The following KCNB2 variants were observed in gnomAD, a reference collection of about 807,000 sequenced individuals.
KCNB2 encodes potassium voltage-gated channel subfamily B member 2.
KCNB2 carries 15 observed loss-of-function variants against 61.5 expected under a neutral mutation model. That is an observed-to-expected ratio of 0.24 (90% CI 0.16 to 0.38). The LOEUF is 0.38. Among genes scored for constraint, KCNB2 ranks in the 10% least tolerant of loss-of-function variants. The pLI is 1.00. For synonymous variants in KCNB2, 457 were observed against 446.0 expected, an observed-to-expected ratio of 1.02 and a Z score of -0.31; for missense variants, 828 against 1,125.2, an observed-to-expected ratio of 0.74 and a Z score of 3.78.
rs149972676 is a variant in KCNB2, at chr8:72,932,147, G to A, written c.580-3788G>A. On this transcript the variant is annotated intron_variant, in intron 2 of 2. Coordinates refer to ENST00000523207, the MANE Select transcript of KCNB2 (RefSeq NM_004770.3). ...CTGCTTATTCTCATGGCCCAATAAT[G>A]AAATGCAGAGGAACTGGGAAAGGAG... is the stretch of plus-strand genomic sequence containing the variant. Among the ~76,000 whole-genome samples, 592 of 152,302 alleles carry A rather than the reference G, an allele frequency of 3.9e-3. 5 individuals are homozygous for A. Among genetic ancestry groups the A allele is most frequent in the African/African-American group, 0.013 (550 of 41,560 alleles).
At chr8:72,550,319 T>A (rs1297648345) in intron 1 of KCNB2, among the ~76,000 whole-genome samples, 1 of 152,224 alleles carries the variant, frequency 6.6e-6, no homozygotes, top group East Asian at 1.9e-4. Context: ...TTTTTACAGG[T>A]GCACATTCAG....
At chr8:72,656,409 T>C (rs1457359933) in intron 2 of KCNB2, among the ~76,000 whole-genome samples, 1 of 152,154 alleles carries the variant, frequency 6.6e-6, no homozygotes, top group Non-Finnish European at 1.5e-5. Flanking sequence ...CTGTTTACTC[T>C]ATGGCTTATG....
At chr8:72,546,382 G>A (rs1318465708) in intron 1 of KCNB2, among the ~76,000 whole-genome samples, 1 of 152,092 alleles carries the variant, frequency 6.6e-6, no homozygotes, top group Non-Finnish European at 1.5e-5. Flanking sequence ...GCCAGGCATG[G>A]TGGCAGGTGC....
chr8:72,560,218 T>C (rs1806491688), intron 1 of KCNB2, among the ~76,000 whole-genome samples: 1 of 152,188 alleles, frequency 6.6e-6, no homozygotes, highest in East Asian at 1.9e-4. Context: ...TTCAGACCAA[T>C]CATTACATGA....
At chr8:72,927,327 G>A (rs1806671651) in intron 2 of KCNB2, among the ~76,000 whole-genome samples, 1 of 151,674 alleles carries the variant, frequency 6.6e-6, no homozygotes, top group African/African-American at 2.4e-5. Context: ...CTGGAGTGCA[G>A]TGGTGCGATC....
At chr8:72,849,696 A>G (rs1434387676) in intron 2 of KCNB2, among the ~76,000 whole-genome samples, 3 of 152,198 alleles carry the variant, frequency 2.0e-5, no homozygotes, top group African/African-American at 7.2e-5. Flanking sequence ...TTTGGAGAAG[A>G]GCTAGCCAAA....
intron 2 of KCNB2, among the ~76,000 whole-genome samples, chr8:72,887,378 C>T (rs900163902): frequency 1.3e-5 from 2 of 152,118 alleles, no homozygotes; most frequent in Admixed American, 1.3e-4. Context: ...GGGAACTTTA[C>T]CAAAATGCAT....
At chr8:72,761,429 T>TG (rs1308531410) in intron 2 of KCNB2, among the ~76,000 whole-genome samples, 1 of 152,148 alleles carries the variant, frequency 6.6e-6, no homozygotes, top group Admixed American at 6.5e-5. Context: ...TAAGGAGATT[T>TG]GGGGAAAAAA....
chr8:72,618,292 A>G (rs1286809457), intron 2 of KCNB2, among the ~76,000 whole-genome samples: 1 of 152,144 alleles, frequency 6.6e-6, no homozygotes, highest in Non-Finnish European at 1.5e-5. Flanking sequence ...CCCCCAAATT[A>G]TTTTTGAGGT....
intron 2 of KCNB2, among the ~76,000 whole-genome samples, chr8:72,806,373 A>G (rs1377749964): frequency 6.8e-6 from 1 of 147,148 alleles, no homozygotes; most frequent in African/African-American, 2.5e-5. Context: ...AAAAAAAAAA[A>G]GAATAATTTG....
intron 2 of KCNB2, among the ~76,000 whole-genome samples, chr8:72,838,047 T>C (rs891393613): frequency 3.3e-5 from 5 of 152,184 alleles, no homozygotes; most frequent in African/African-American, 9.7e-5. Context: ...TACTCATCAT[T>C]CATATTCTCT....
At position 72,834,660 on chromosome 8, in the gene KCNB2, G is replaced by A. The variant is rs1043522437; in HGVS notation, c.580-101275G>A. ...CTTCAGTCTCCTGTTTGGCACAAGA[G>A]TAGGGGAGTGATCTTGGTGTCCATA... On this transcript the variant is annotated intron_variant, in intron 2 of 2. Transcript: ENST00000523207. 4.8e-4 allele frequency among the ~76,000 whole-genome samples: 73 copies of A among 152,190 alleles called. 1 individual carries two copies. The highest frequency in any genetic ancestry group is 3.1e-4 in the Non-Finnish European group (21 of 68,044).
At chr8:72,857,746 T>C (rs1443846959) in intron 2 of KCNB2, among the ~76,000 whole-genome samples, 1 of 152,200 alleles carries the variant, frequency 6.6e-6, no homozygotes, top group Non-Finnish European at 1.5e-5. Context: ...ATGATCATGA[T>C]GCAATAACCT....
chr8:72,666,663 T>A (rs1374818455), intron 2 of KCNB2, among the ~76,000 whole-genome samples: 1 of 150,984 alleles, frequency 6.6e-6, no homozygotes, highest in East Asian at 1.9e-4. Flanking sequence ...TTTTTTTTTT[T>A]TTTTTTGAGA....
chr8:72,666,721 C>T (rs1280205311), intron 2 of KCNB2, among the ~76,000 whole-genome samples: 2 of 150,102 alleles, frequency 1.3e-5, no homozygotes, highest in East Asian at 2.0e-4. Flanking sequence ...GGCGCAATCT[C>T]GGGTCACTGC....
At chr8:72,921,929 C>G (rs1226824367) in intron 2 of KCNB2, among the ~76,000 whole-genome samples, 2 of 152,178 alleles carry the variant, frequency 1.3e-5, no homozygotes, top group East Asian at 1.9e-4. Flanking sequence ...TATGAAATGG[C>G]TCTGTGAGTG....
chr8:72,735,995 A>G (rs192592011), intron 2 of KCNB2, among the ~76,000 whole-genome samples: 407 of 152,268 alleles, frequency 2.7e-3, no homozygotes, highest in African/African-American at 9.2e-3. Flanking sequence ...AACAATTTCC[A>G]TATATTTTTG....
chr8:72,702,750 C>T (rs898670051), intron 2 of KCNB2, among the ~76,000 whole-genome samples: 1 of 152,174 alleles, frequency 6.6e-6, no homozygotes, highest in Non-Finnish European at 1.5e-5. Flanking sequence ...TAAGGGAATC[C>T]TTTCAGCCTG....
intron 2 of KCNB2, among the ~76,000 whole-genome samples, chr8:72,910,474 A>G (rs1190238595): frequency 6.6e-6 from 1 of 152,188 alleles, no homozygotes; most frequent in African/African-American, 2.4e-5. Flanking sequence ...GGATACATAA[A>G]GGGCATACAC....
Sources: gnomAD v4.1 joint callset for allele counts (sites outside exome capture counted in the v4.1 genomes callset) on GRCh38, gnomAD v4.1.1 for gene constraint, MANE v1.5 for transcripts, NCBI Gene and HGNC (gene_info 2026-07-23, HGNC 2026-07-21) for gene names.